The following SPECC1L variants were observed in gnomAD, a reference collection of about 807,000 sequenced individuals.
SPECC1L encodes cytospin-A.
A neutral mutation model predicts 116.8 loss-of-function variants in SPECC1L; 40 were observed. The observed-to-expected ratio is 0.34, with a 90% CI of 0.27 to 0.45. The LOEUF is 0.45. Among genes scored for constraint, SPECC1L ranks in the 20% least tolerant of loss-of-function variants. The pLI is 1.00. For synonymous variants in SPECC1L, 504 were observed against 500.6 expected (o/e 1.01, Z -0.09); for missense variants, 1,110 against 1,373.6 (o/e 0.81, Z 3.03).
At chr22:24,322,962 GCTGC>G in intron 5 of SPECC1L, 44 bp downstream of exon 5, 7 of 1,609,734 alleles carry the variant, frequency 4.3e-6, no homozygotes, top group Non-Finnish European at 5.1e-6. Flanking sequence ...GCATTAGGCA[GCTGC>G]CATGCACAGT....
At chr22:24,272,861 T>A (rs531929451) in intron 1 of SPECC1L, among the ~76,000 whole-genome samples, 15 of 152,302 alleles carry the variant, frequency 9.8e-5, no homozygotes, top group African/African-American at 3.6e-4. Flanking sequence ...CAGAGTCGCT[T>A]AGCCGATTCA....
rs191809179 is a variant in SPECC1L, at chr22:24,313,888, G to A, written c.307+422G>A. 2.5e-3 allele frequency among the ~76,000 whole-genome samples: 380 copies of A among 150,708 alleles called. 2 individuals carry two copies. Among genetic ancestry groups the A allele is most frequent in the African/African-American group, 7.7e-3 (316 of 40,984 alleles). ...TGAGTAGCTGGGATTACAGGCATGC[G>A]CCACCATGCCTGGCTAATTTTTGTA... On this transcript the variant is annotated intron_variant, in intron 4 of 16. Coordinates refer to ENST00000314328, the MANE Select transcript of SPECC1L (RefSeq NM_015330.6).
intron 3 of SPECC1L, among the ~76,000 whole-genome samples, chr22:24,303,901 G>A (rs1430521536): frequency 6.6e-6 from 1 of 150,808 alleles, no homozygotes. Context: ...GGAAGGTCAG[G>A]ACAGAGGTAA....
intron 3 of SPECC1L, among the ~76,000 whole-genome samples, chr22:24,306,135 G>A (rs540298230): frequency 2.6e-5 from 4 of 151,948 alleles, no homozygotes; most frequent in Admixed American, 6.6e-5. Flanking sequence ...TTGAACTCCC[G>A]ACCTCAGGTC....
intron 11 of SPECC1L, among the ~76,000 whole-genome samples, chr22:24,347,532 C>T (rs929188465): frequency 2.0e-5 from 3 of 152,192 alleles, no homozygotes; most frequent in Admixed American, 6.5e-5. Flanking sequence ...CAGTTAGTTA[C>T]TAAGCAGTAG....
intron 10 of SPECC1L, among the ~76,000 whole-genome samples, chr22:24,344,667 T>A (rs948897916): frequency 7.9e-5 from 12 of 151,330 alleles, no homozygotes; most frequent in African/African-American, 2.9e-4. Context: ...TATTTGCAGA[T>A]AACATGATCA....
intron 14 of SPECC1L, among the ~76,000 whole-genome samples, chr22:24,369,640 T>A (rs2041836479): frequency 6.6e-6 from 1 of 152,162 alleles, no homozygotes; most frequent in South Asian, 2.1e-4. Flanking sequence ...CAGAGGCTGC[T>A]GTGAGCTGAT....
intron 11 of SPECC1L, among the ~76,000 whole-genome samples, chr22:24,359,940 G>A (rs755684983): frequency 3.0e-4 from 45 of 152,066 alleles, no homozygotes; most frequent in African/African-American, 5.1e-4. Context: ...TCCCTCACTC[G>A]TAATGACTTT....
At chr22:24,276,853 C>T (rs201151166) in intron 2 of SPECC1L, 50 bp downstream of exon 2, 1 of 430,652 alleles carries the variant, frequency 2.3e-6, no homozygotes, top group Non-Finnish European at 4.7e-6. Context: ...TTAATATATT[C>T]TCTTGCTTAC....
rs1439459007 is a variant in SPECC1L at position 24,417,291 on chromosome 22, T to C, written c.*2668T>C. The C allele has an allele frequency of 6.6e-6, 1 of 152,480 alleles. No individual in the cohort carries two copies. Among genetic ancestry groups the C allele is most frequent in the Non-Finnish European group, 1.5e-5 (1 of 68,044 alleles). 9.4% of individuals were successfully genotyped at this position (152,480 alleles called of 1,614,324 possible). A position where few individuals can be genotyped will look rare whatever the true frequency, so the allele number is the denominator to read the frequency against. ...CTAGCTTGCCCTCCACTCCCTGCCG[T>C]CCCTCTGACGTCGCATAAACCAGAA... On this transcript the variant is annotated 3_prime_UTR_variant, in exon 17 of 17. Coordinates refer to ENST00000314328, the MANE Select transcript of SPECC1L (RefSeq NM_015330.6).
chr22:24,362,872 T>C (rs1381164370), intron 11 of SPECC1L, among the ~76,000 whole-genome samples: 1 of 152,238 alleles, frequency 6.6e-6, no homozygotes, highest in Non-Finnish European at 1.5e-5. Flanking sequence ...TTGTATATAT[T>C]AATGTGTGTA....
intron 2 of SPECC1L, among the ~76,000 whole-genome samples, chr22:24,283,090 T>C (rs1015733871): frequency 1.5e-4 from 22 of 151,202 alleles, no homozygotes; most frequent in Middle Eastern, 3.4e-3. Context: ...TAACTTTGTT[T>C]TTTTTTGAGA....
At chr22:24,391,982 C>T (rs1434543232) in intron 14 of SPECC1L, among the ~76,000 whole-genome samples, 3 of 152,194 alleles carry the variant, frequency 2.0e-5, no homozygotes, top group African/African-American at 7.2e-5. Flanking sequence ...TGAATCAGCA[C>T]CCACATTCCA....
At chr22:24,381,324 A>G (rs1462418369) in intron 14 of SPECC1L, among the ~76,000 whole-genome samples, 2 of 152,230 alleles carry the variant, frequency 1.3e-5, no homozygotes, top group African/African-American at 4.8e-5. Flanking sequence ...AAGAATAATG[A>G]AATCACTTAA....
chr22:24,335,247 C>G (rs1478955987), intron 9 of SPECC1L, among the ~76,000 whole-genome samples: 1 of 152,198 alleles, frequency 6.6e-6, no homozygotes, highest in Non-Finnish European at 1.5e-5. Context: ...CCAAATTAAT[C>G]TCCCTGTTTC....
chr22:24,381,535 G>A (rs1049710549), intron 14 of SPECC1L, among the ~76,000 whole-genome samples: 4 of 152,200 alleles, frequency 2.6e-5, no homozygotes, highest in African/African-American at 9.6e-5. Flanking sequence ...GGTTTAGCAG[G>A]CGTATATTTA....
At chr22:24,371,808 G>A (rs9612616) in intron 14 of SPECC1L, among the ~76,000 whole-genome samples, 5 of 152,168 alleles carry the variant, frequency 3.3e-5, no homozygotes, top group South Asian at 2.1e-4. Context: ...GGCAGGCTCC[G>A]GCTCCCGGGC....
At chr22:24,288,549 C>T (rs1206181148) in intron 2 of SPECC1L, among the ~76,000 whole-genome samples, 1 of 145,012 alleles carries the variant, frequency 6.9e-6, no homozygotes, top group Non-Finnish European at 1.5e-5. Flanking sequence ...GTTTTTACTA[C>T]ACTGAATTTG....
intron 14 of SPECC1L, 119 bp from the exon 15 acceptor site, chr22:24,411,469 T>C: frequency 1.1e-6 from 1 of 891,292 alleles, no homozygotes; most frequent in Non-Finnish European, 1.9e-6. Flanking sequence ...CGCCCTGCCC[T>C]GGTTTTGGTT....
Sources: gnomAD v4.1 joint callset for allele counts (sites outside exome capture counted in the v4.1 genomes callset) on GRCh38, gnomAD v4.1.1 for gene constraint, MANE v1.5 for transcripts, NCBI Gene and HGNC (gene_info 2026-07-23, HGNC 2026-07-21) for gene names.